Variants in BAZ2B observed in about 807,000 individuals in gnomAD.
BAZ2B encodes the protein bromodomain adjacent to zinc finger domain 2B.
BAZ2B carries 91 observed loss-of-function variants against 246.0 expected under a neutral mutation model. That is an observed-to-expected ratio of 0.37 (90% CI 0.31 to 0.44). The LOEUF is 0.44. Among genes scored for constraint, BAZ2B ranks in the 20% least tolerant of loss-of-function variants. The probability of loss-of-function intolerance (pLI) is 1.00; values close to 1 mark genes in which losing one functional copy is unlikely to be tolerated. For missense variants in BAZ2B, 2,332 were observed against 2,533.7 expected (o/e 0.92, Z 1.71); for synonymous variants, 855 against 860.0 (o/e 0.99, Z 0.10).
At chr2:159,378,026 G>A (rs2149463447) in intron 25 of BAZ2B, among the ~76,000 whole-genome samples, 1 of 152,274 alleles carries the variant, frequency 6.6e-6, no homozygotes, top group East Asian at 1.9e-4. Flanking sequence ...TAAAATCCCA[G>A]TACATAGTTG....
At chr2:159,532,859 T>C (rs1484838210) in intron 2 of BAZ2B, among the ~76,000 whole-genome samples, 1 of 152,188 alleles carries the variant, frequency 6.6e-6, no homozygotes, top group Non-Finnish European at 1.5e-5. Flanking sequence ...AATGAGATTT[T>C]AGTTGAGTCT....
chr2:159,317,784 A>G (rs2062265665), downstream of BAZ2B, among the ~76,000 whole-genome samples: 2 of 152,248 alleles, frequency 1.3e-5, no homozygotes, highest in South Asian at 4.1e-4. Flanking sequence ...GAGGAGAACA[A>G]TGATACTGGT....
At position 159,478,596 on chromosome 2, in the gene BAZ2B, T is replaced by G. The variant is rs369564719; in HGVS notation, c.124A>C (p.Ser42Arg). The change falls in exon 3 of 37, where the codon AGC becomes CGC. Residue 42 changes from serine (S) to arginine (R), a missense_variant. Physicochemically the swap from Ser to Arg is moderately radical, Grantham distance 110. Transcript: ENST00000392783. ...TCACCACATGGGTTGATTGTAGAGCTAAGTGAAGCAACTCCAGTGGAAAGG... is the reference window on the plus strand; with the variant it reads ...TCACCACATGGGTTGATTGTAGAGCGAAGTGAAGCAACTCCAGTGGAAAGG... ...GGLSTGVASL[S>R]STINPCGHLF... The G allele has an allele frequency of 1.6e-5, 26 of 1,610,168 alleles. No homozygotes were observed. In the African/African-American group the frequency reaches 3.2e-4, roughly 20 times the overall value.
At chr2:159,366,156 A>C (rs936771070) in intron 27 of BAZ2B, among the ~76,000 whole-genome samples, 3 of 152,194 alleles carry the variant, frequency 2.0e-5, no homozygotes, top group African/African-American at 7.2e-5. Context: ...TCAGGTGCAG[A>C]AAACACCTAC....
chr2:159,363,397 G>A (rs2059915631), intron 27 of BAZ2B, among the ~76,000 whole-genome samples: 2 of 152,172 alleles, frequency 1.3e-5, no homozygotes, highest in Non-Finnish European at 2.9e-5. Context: ...CATGCTCTTG[G>A]TGCAGAGAAT....
chr2:159,361,867 ACAC>A (rs1379669201), intron 27 of BAZ2B, among the ~76,000 whole-genome samples: 4 of 150,636 alleles, frequency 2.7e-5, no homozygotes, highest in African/African-American at 9.8e-5. Flanking sequence ...AGAAAACCAA[ACAC>A]CACAAGTTCT....
Position 159,349,289 on chromosome 2 carries a change from A to G in BAZ2B, c.4864-9T>C. The G allele has an allele frequency of 1.2e-5, 19 of 1,575,010 alleles. No individual in the cohort carries two copies. Among genetic ancestry groups the G allele is most frequent in the Non-Finnish European group, 1.6e-5 (19 of 1,159,922 alleles). On this transcript the variant is annotated splice_polypyrimidine_tract_variant and intron_variant, in intron 28 of 36. Transcript: ENST00000392783. ...GATACTCCACCTTTCACCTGCAAAA[A>G]GAAAACATTTATTAATGAAAAGTAG... is the stretch of plus-strand genomic sequence containing the variant.
At chr2:159,372,097 C>T (rs1042683196) in intron 27 of BAZ2B, among the ~76,000 whole-genome samples, 2 of 152,130 alleles carry the variant, frequency 1.3e-5, no homozygotes, top group African/African-American at 4.8e-5. Flanking sequence ...TTTATATTTT[C>T]TATTAGAGTC....
chr2:159,608,805 G>A (rs1228218411), intron 1 of BAZ2B, among the ~76,000 whole-genome samples: 15 of 152,076 alleles, frequency 9.9e-5, no homozygotes, highest in Admixed American at 9.8e-4. Flanking sequence ...ACTATCAGCT[G>A]GATTAAATTT....
At chr2:159,428,253 T>C in intron 12 of BAZ2B, 58 bp downstream of exon 12, 2 of 1,427,746 alleles carry the variant, frequency 1.4e-6, no homozygotes, top group South Asian at 1.2e-5. Context: ...ACTTTTTTTT[T>C]GTACATGATC....
At chr2:159,386,004 A>G (rs961506731) in intron 22 of BAZ2B, among the ~76,000 whole-genome samples, 1 of 152,158 alleles carries the variant, frequency 6.6e-6, no homozygotes, top group Non-Finnish European at 1.5e-5. Flanking sequence ...ACAGTGATTG[A>G]GAGAGAACAA....
chr2:159,662,563 A>C, the BAZ2B span, among the ~76,000 whole-genome samples: 69,468 of 151,986 alleles, frequency 0.46, 16,731 homozygotes, highest in Middle Eastern at 0.63. Flanking sequence ...GGCTTGCTGT[A>C]GCCCAGGCTG....
At chr2:159,680,470 C>T in the BAZ2B span, among the ~76,000 whole-genome samples, 2 of 151,996 alleles carry the variant, frequency 1.3e-5, no homozygotes, top group Non-Finnish European at 2.9e-5. Flanking sequence ...AAGTAGAAAA[C>T]CAAAAGGTAC....
intron 2 of BAZ2B, among the ~76,000 whole-genome samples, chr2:159,496,610 C>G (rs1651557438): frequency 6.6e-6 from 1 of 150,420 alleles, no homozygotes; most frequent in Admixed American, 6.6e-5. Context: ...TGGAGAAACC[C>G]CATCTCTACT....
At chr2:159,652,687 G>A in the BAZ2B span, among the ~76,000 whole-genome samples, 138 of 152,022 alleles carry the variant, frequency 9.1e-4, no homozygotes, top group African/African-American at 3.2e-3. Flanking sequence ...GTATAAACAC[G>A]ATTTACTAAC....
chr2:159,350,210 T>C lies in BAZ2B; in HGVS notation c.4361A>G (p.Asp1454Gly). The change falls in exon 28 of 37, where the codon GAT becomes GGT. Residue 1454 changes from aspartate (D) to glycine (G), a missense_variant. Around this residue, in one of 9 missense-constraint regions of BAZ2B, gnomAD observed 676 missense variants for 668.6 expected, o/e 1.01. Coordinates refer to ENST00000392783, the MANE Select transcript of BAZ2B (RefSeq NM_013450.4). ...CEQKEDLKEK[D>G]NTNLFLQKPG... Reference sequence around the variant, plus strand: ...TTTCTGAAGGAATAGATTTGTGTTATCTTTTTCTTTAAGATCTTCCTTTTG... The same window carrying C: ...TTTCTGAAGGAATAGATTTGTGTTACCTTTTTCTTTAAGATCTTCCTTTTG... 1.2e-6 allele frequency: 2 copies of C among 1,614,014 alleles called. No individual in the cohort carries two copies. The highest frequency in any genetic ancestry group is 1.7e-6 in the Non-Finnish European group (2 of 1,179,956).
intron 2 of BAZ2B, among the ~76,000 whole-genome samples, chr2:159,524,560 A>G (rs753400473): frequency 1.4e-4 from 22 of 152,180 alleles, no homozygotes; most frequent in Non-Finnish European, 2.6e-4. Context: ...GAACCAATTC[A>G]CATGGTTCTG....
chr2:159,340,024 G>A (rs2066351231), intron 31 of BAZ2B, among the ~76,000 whole-genome samples: 1 of 151,978 alleles, frequency 6.6e-6, no homozygotes, highest in African/African-American at 2.4e-5. Context: ...ACAAAATCTG[G>A]AAAACAATTC....
chr2:159,524,418 C>T (rs1245504320), intron 2 of BAZ2B, among the ~76,000 whole-genome samples: 1 of 152,042 alleles, frequency 6.6e-6, no homozygotes, highest in Non-Finnish European at 1.5e-5. Flanking sequence ...CATGTCACTA[C>T]ACTCGAGCCT....
Sources: allele counts gnomAD v4.1 joint callset (sites outside exome capture counted in the v4.1 genomes callset), GRCh38; gene constraint gnomAD v4.1.1; regional missense constraint gnomAD v4.1.1; transcripts MANE v1.5; gene names NCBI Gene and HGNC (gene_info 2026-07-23, HGNC 2026-07-21).